CUBN: variants seen among roughly 807,000 people sequenced by gnomAD.
CUBN encodes the protein 460 kDa receptor.
Under a neutral mutation model 405.3 loss-of-function variants are expected in CUBN, and 282 were observed. The observed-to-expected ratio is 0.70, with a 90% CI of 0.63 to 0.77. The LOEUF is 0.77. Ranked by LOEUF, CUBN falls within the 30% of genes least tolerant of loss-of-function variation. CUBN has a pLI of 0.00. For synonymous variants in CUBN, 1,684 were observed against 1,617.0 expected, an observed-to-expected ratio of 1.04 and a Z score of -0.99; for missense variants, 4,514 against 4,475.2, an observed-to-expected ratio of 1.01 and a Z score of -0.25.
chr10:17,109,714 A>G lies in CUBN; in HGVS notation c.1037T>C (p.Val346Ala). The change falls in exon 10 of 67, where the codon GTG becomes GCG. Residue 346 changes from valine (V) to alanine (A), a missense_variant. By Grantham distance (64) the Val-to-Ala change is moderately conservative. Around this residue, in one of 5 missense-constraint regions of CUBN, gnomAD observed 1,448 missense variants for 1,388.0 expected, o/e 1.04. Coordinates refer to ENST00000377833, the MANE Select transcript of CUBN (RefSeq NM_001081.4). Reference protein sequence around the residue: ...CPPGYQGDGRVCTLTDICSVS... With the variant: ...CPPGYQGDGRACTLTDICSVS... ...TGAGCAGATGTCTGTGAGTGTGCAC[A>G]CTCTTCCGTCACCCTGGTACCCTGA... 6.2e-7 allele frequency: 1 copy of G among 1,613,608 alleles called. No homozygotes were observed. The highest frequency in any genetic ancestry group is 1.1e-5 in the South Asian group (1 of 91,044).
intron 59 of CUBN, among the ~76,000 whole-genome samples, chr10:16,866,542 C>T (rs1225633129): frequency 6.6e-6 from 1 of 152,194 alleles, no homozygotes; most frequent in African/African-American, 2.4e-5. Flanking sequence ...ATCCACAGAA[C>T]CAACAGCTTT....
intron 22 of CUBN, among the ~76,000 whole-genome samples, chr10:17,052,443 A>T (rs1485861877): frequency 6.6e-6 from 1 of 152,082 alleles, no homozygotes; most frequent in Non-Finnish European, 1.5e-5. Context: ...CAAAAATAAT[A>T]GTAAGGTGAA....
At chr10:17,045,787 T>G in intron 24 of CUBN, 147 bp downstream of exon 24, 1 of 777,454 alleles carries the variant, frequency 1.3e-6, no homozygotes, top group Non-Finnish European at 2.2e-6. Context: ...AAGAAATGGC[T>G]GCTGTTAATT....
At position 17,068,299 on chromosome 10, in the gene CUBN, T is replaced by C. The variant is rs1288237947; in HGVS notation, c.2792-19A>G. 6.2e-7 allele frequency: 1 copy of C among 1,609,822 alleles called. No homozygotes were observed. The highest frequency in any genetic ancestry group is 8.5e-7 in the Non-Finnish European group (1 of 1,176,248). On this transcript the variant is annotated intron_variant, in intron 20 of 66. Transcript: ENST00000377833. ...CCACATGCTGTTGAAATAAAAATTA[T>C]AATTACTGCAGCAAGTAACCAAGCT...
At chr10:16,859,436 T>G (rs1839953245) in intron 59 of CUBN, among the ~76,000 whole-genome samples, 1 of 151,966 alleles carries the variant, frequency 6.6e-6, no homozygotes. Context: ...ATGGCTAAAA[T>G]AAAATTAAAT....
At chr10:16,875,685 A>C (rs984035091) in intron 57 of CUBN, among the ~76,000 whole-genome samples, 4 of 152,238 alleles carry the variant, frequency 2.6e-5, no homozygotes, top group African/African-American at 7.2e-5. Context: ...AAGTTTATCA[A>C]GGCCTAAATA....
intron 22 of CUBN, among the ~76,000 whole-genome samples, chr10:17,063,719 T>C (rs1388524463): frequency 2.0e-5 from 3 of 152,240 alleles, no homozygotes; most frequent in East Asian, 3.8e-4. Context: ...TATGTCTTAC[T>C]TTGCATATCA....
intron 28 of CUBN, among the ~76,000 whole-genome samples, chr10:17,005,575 A>G (rs1292358384): frequency 6.6e-6 from 1 of 152,158 alleles, no homozygotes; most frequent in East Asian, 1.9e-4. Flanking sequence ...TGTCTGATCA[A>G]TTCTTGCCCA....
intron 47 of CUBN, among the ~76,000 whole-genome samples, chr10:16,914,742 G>A (rs1588645507): frequency 2.0e-5 from 3 of 151,934 alleles, no homozygotes; most frequent in Admixed American, 2.0e-4. Context: ...ATTTGAGTTT[G>A]TTGGGTTTGC....
At chr10:16,935,805 G>A (rs576853648) in intron 39 of CUBN, among the ~76,000 whole-genome samples, 4 of 150,526 alleles carry the variant, frequency 2.7e-5, no homozygotes, top group South Asian at 2.1e-4. Flanking sequence ...GTATGAACTC[G>A]GGAGGCGGAG....
At chr10:16,838,288 G>A (rs961930786) in intron 62 of CUBN, among the ~76,000 whole-genome samples, 1 of 151,994 alleles carries the variant, frequency 6.6e-6, no homozygotes, top group African/African-American at 2.4e-5. Flanking sequence ...ATAATGAAGG[G>A]GACCCTGAAA....
chr10:16,935,071 T>C (rs1314264615), intron 39 of CUBN, among the ~76,000 whole-genome samples: 1 of 152,242 alleles, frequency 6.6e-6, no homozygotes, highest in Non-Finnish European at 1.5e-5. Context: ...ACTGTTACCA[T>C]TTGCTTTGTC....
At chr10:17,017,066 T>A (rs1834346504) in intron 28 of CUBN, among the ~76,000 whole-genome samples, 1 of 152,150 alleles carries the variant, frequency 6.6e-6, no homozygotes, top group Non-Finnish European at 1.5e-5. Flanking sequence ...CGGGTCAAAT[T>A]GGTCCCAATG....
chr10:17,110,297 T>A (rs1836741395), intron 9 of CUBN, among the ~76,000 whole-genome samples: 1 of 152,242 alleles, frequency 6.6e-6, no homozygotes. Context: ...TGCATGATAT[T>A]AACAAATTAT....
Position 16,901,452 on chromosome 10 carries a change from G to T in CUBN, c.8070C>A (p.Gly2690=), listed in dbSNP as rs538642374. Residue 2690 remains glycine (G), a synonymous_variant, in exon 52 of 67, where the codon GGC becomes GGA. Transcript: ENST00000377833. ...CTCCACTGTCACCTATCTGTATTCC[G>T]CCACAATCTGAAATGAGATTGGTAA... is the stretch of plus-strand genomic sequence containing the variant. ...FHAKYSFTDC[G]GIQIGDSGVI... is the part of the protein sequence containing the mutation. The T allele has an allele frequency of 1.2e-6, 2 of 1,613,900 alleles. No homozygotes were observed. The highest frequency in any genetic ancestry group is 3.3e-5 in the Admixed American group (2 of 59,998).
At chr10:16,976,637 C>T (rs972395886) in intron 31 of CUBN, among the ~76,000 whole-genome samples, 8 of 152,012 alleles carry the variant, frequency 5.3e-5, no homozygotes, top group African/African-American at 1.9e-4. Flanking sequence ...AAGTTTGCTT[C>T]TGTTCCATAT....
chr10:17,068,344 AG>A (rs1330101663), intron 20 of CUBN, 64 bp from the exon 21 acceptor site: 2 of 1,504,216 alleles, frequency 1.3e-6, no homozygotes, highest in Non-Finnish European at 1.8e-6. Context: ...TCAAATTAAA[AG>A]GCTCTGATAA....
At chr10:16,969,908 C>T (rs1843504359) in intron 31 of CUBN, among the ~76,000 whole-genome samples, 1 of 152,164 alleles carries the variant, frequency 6.6e-6, no homozygotes, top group East Asian at 1.9e-4. Context: ...ATGAAACCAC[C>T]ACTGACGTCA....
intron 55 of CUBN, 65 bp downstream of exon 55, chr10:16,890,306 C>T (rs926689101): frequency 6.4e-7 from 1 of 1,570,596 alleles, no homozygotes; most frequent in Admixed American, 1.7e-5. Context: ...TTTAGCCAAC[C>T]CTGCCTGCCT....
Sources: allele counts gnomAD v4.1 joint callset (sites outside exome capture counted in the v4.1 genomes callset), GRCh38; gene constraint gnomAD v4.1.1; regional missense constraint gnomAD v4.1.1; transcripts MANE v1.5; gene names NCBI Gene and HGNC (gene_info 2026-07-23, HGNC 2026-07-21).